The following ZNF232 variants were observed in gnomAD, a reference collection of about 807,000 sequenced individuals.
ZNF232 encodes zinc finger and SCAN domain-containing protein 11.
A neutral mutation model predicts 25.2 loss-of-function variants in ZNF232; 25 were observed. The ratio of observed to expected loss-of-function variants is 0.99; its 90% CI spans 0.72 to 1.39. The LOEUF (loss-of-function observed/expected upper bound fraction) is 1.39, where lower values mean the gene tolerates loss of function less well. Among genes scored for constraint, ZNF232 ranks in the 40% most tolerant of loss-of-function variants. The probability of loss-of-function intolerance (pLI) is 0.00; values close to 1 mark genes in which losing one functional copy is unlikely to be tolerated. For missense variants in ZNF232, 519 were observed against 520.9 expected, an observed-to-expected ratio of 1.00 and a Z score of 0.04; for synonymous variants, 193 against 182.9, an observed-to-expected ratio of 1.06 and a Z score of -0.45.
chr17:5,111,938 C>G (rs2072425704), upstream of ZNF232: 1 of 1,450,260 alleles, frequency 6.9e-7, no homozygotes, highest in Non-Finnish European at 9.2e-7. Flanking sequence ...CGCCGGCTTC[C>G]GTTCGCGGAC....
chr17:5,114,243 C>CT (rs1428551378), upstream of ZNF232: 1 of 152,232 alleles, frequency 6.6e-6, no homozygotes, highest in East Asian at 1.9e-4. Flanking sequence ...CATTCCAAAA[C>CT]TTTATCTCCA....
chr17:5,122,417 T>C (rs2072707289), intron 1 of ZNF232, among the ~76,000 whole-genome samples: 1 of 152,206 alleles, frequency 6.6e-6, no homozygotes, highest in Admixed American at 6.5e-5. Flanking sequence ...CAGCTGGCAG[T>C]ATCCTGGAGT....
At chr17:5,112,923 C>CA (rs2072452911), upstream of ZNF232, among the ~76,000 whole-genome samples, 1 of 151,778 alleles carries the variant, frequency 6.6e-6, no homozygotes, top group Non-Finnish European at 1.5e-5. Flanking sequence ...TGTGCCACTG[C>CA]ACTCTAGCCT....
intron 1 of ZNF232, chr17:5,111,442 A>C (rs2072406565): frequency 2.6e-6 from 1 of 390,292 alleles, no homozygotes; most frequent in South Asian, 4.3e-5. Flanking sequence ...CGCGTCTCCC[A>C]GGGTGATGCC....
chr17:5,110,622 A>C (rs1054724809), intron 1 of ZNF232, among the ~76,000 whole-genome samples: 5 of 152,330 alleles, frequency 3.3e-5, no homozygotes, highest in African/African-American at 1.2e-4. Context: ...AAAGAAAAAT[A>C]TAAGTCCCCT....
rs543879681 is a variant in ZNF232 at position 5,106,435 on chromosome 17, A to T, written c.697T>A (p.Ser233Thr). The change falls in exon 4 of 4, where the codon TCA (serine) becomes ACA (threonine). Residue 233 changes from serine to threonine, a missense_variant. Coordinates refer to ENST00000575898, the Ensembl canonical transcript of ZNF232. ...GCAAGTTTTTCTGAGAACACCTGTG[A>T]TTCCACTTCAGTAATGGGTGGTTGT... 3.7e-6 allele frequency: 6 copies of T among 1,614,234 alleles called. No homozygotes were observed. In the South Asian group the frequency reaches 6.6e-5, roughly 18 times the overall value.
At chr17:5,118,472 G>A (rs559898713) in intron 1 of ZNF232, among the ~76,000 whole-genome samples, 1 of 152,264 alleles carries the variant, frequency 6.6e-6, no homozygotes. Context: ...GGGGGTGCCT[G>A]TGATCCCAAA....
chr17:5,118,682 G>A (rs543617065), intron 1 of ZNF232, among the ~76,000 whole-genome samples: 1 of 152,332 alleles, frequency 6.6e-6, no homozygotes, highest in East Asian at 1.9e-4. Context: ...AAAGAATGAG[G>A]TTGTGTGGAG....
intron 1 of ZNF232, among the ~76,000 whole-genome samples, chr17:5,117,629 G>T (rs1308782304): frequency 1.3e-5 from 2 of 152,176 alleles, no homozygotes; most frequent in East Asian, 3.8e-4. Context: ...AAGTTAGTGG[G>T]AAATCACTGT....
At chr17:5,110,446 A>G (rs1187269786) in intron 1 of ZNF232, among the ~76,000 whole-genome samples, 2 of 152,202 alleles carry the variant, frequency 1.3e-5, no homozygotes, top group Non-Finnish European at 2.9e-5. Flanking sequence ...GCCTATGGGA[A>G]GAAATGACTA....
rs4076450 is a variant in ZNF232 at position 5,119,565 on chromosome 17, G to A, written c.-530+3412C>T. Among the ~76,000 whole-genome samples, 1,137 of 152,246 alleles carry A rather than the reference G, an allele frequency of 7.5e-3. 19 individuals carry two copies. The highest frequency in any genetic ancestry group is 0.025 in the African/African-American group (1,037 of 41,550). On this transcript the variant is annotated intron_variant, in intron 1 of 4. Transcript: ENST00000250076. ...TTCCAGTCCAGTTCCCATCTTTTAT[G>A]GATGCCTAGCCCTGACCCTCAGAGG...
At chr17:5,108,968 T>A in exon 3 of ZNF232, 1 of 1,614,158 alleles carries the variant, frequency 6.2e-7, no homozygotes, top group Non-Finnish European at 8.5e-7. Context: ...TGGAGCTGGA[T>A]GCTCAGTGCT....
upstream of ZNF232, chr17:5,113,299 T>C (rs1397368991): frequency 2.6e-5 from 4 of 152,232 alleles, no homozygotes; most frequent in Admixed American, 6.5e-5. Context: ...TCTAGAACTA[T>C]GCCAGGAACT....
chr17:5,111,979 G>A (rs1287039376), upstream of ZNF232: 3 of 1,111,760 alleles, frequency 2.7e-6, no homozygotes, highest in Non-Finnish European at 3.7e-6. Context: ...GCTGCCGAGA[G>A]GCTGGGAGCC....
Position 5,109,689 on chromosome 17 carries a change from G to A in ZNF232, c.203C>T (p.Pro68Leu), listed in dbSNP as rs760351328. 4 of 1,614,048 alleles carry A rather than the reference G, an allele frequency of 2.5e-6. No homozygotes were observed. The East Asian group carries it at 8.9e-5, about 36-fold the overall frequency. Residue 68 changes from proline to leucine, a missense_variant, in exon 2 of 4, where the codon CCT (proline) becomes CTT (leucine). Transcript: ENST00000575898. ...CTCTTGACTGGTAGAGTGGTTCCCA[G>A]GTAGCCTGGTCTCATACTCACAAGA...
upstream of ZNF232, among the ~76,000 whole-genome samples, chr17:5,116,136 T>G (rs1398295956): frequency 6.6e-6 from 1 of 152,162 alleles, no homozygotes; most frequent in Non-Finnish European, 1.5e-5. Flanking sequence ...TTCCCCTCAC[T>G]CGACGCTACC....
At chr17:5,110,885 G>A (rs1385919685) in intron 1 of ZNF232, among the ~76,000 whole-genome samples, 2 of 152,176 alleles carry the variant, frequency 1.3e-5, no homozygotes, top group Non-Finnish European at 2.9e-5. Flanking sequence ...CAATTTAATG[G>A]GGAGAAAGCT....
chr17:5,106,139 G>A, exon 4 of ZNF232: 2 of 1,614,164 alleles, frequency 1.2e-6, no homozygotes, highest in Non-Finnish European at 1.7e-6. Flanking sequence ...AGCTCTGTTT[G>A]AAAGTTTTCC....
upstream of ZNF232, among the ~76,000 whole-genome samples, chr17:5,116,183 G>A (rs961099098): frequency 1.4e-5 from 2 of 147,668 alleles, no homozygotes; most frequent in African/African-American, 2.4e-5. Context: ...GCTCCAACTA[G>A]CAGTCAGGAG....
Sources: gnomAD v4.1 joint callset for allele counts (sites outside exome capture counted in the v4.1 genomes callset) on GRCh38, gnomAD v4.1.1 for gene constraint, MANE v1.5 for transcripts, NCBI Gene and HGNC (gene_info 2026-07-23, HGNC 2026-07-21) for gene names.